DPP6: variants seen among roughly 807,000 people sequenced by gnomAD.
DPP6 encodes dipeptidyl peptidase like 6.
Under a neutral mutation model 122.6 loss-of-function variants are expected in DPP6, and 69 were observed. That is an observed-to-expected ratio of 0.56 (90% CI 0.46 to 0.69). DPP6 has a LOEUF of 0.69. DPP6 is among the 30% of genes least tolerant of loss of function. The pLI, the probability that DPP6 is intolerant of heterozygous loss-of-function variation, is 0.00. For synonymous variants in DPP6, 418 were observed against 433.1 expected (o/e 0.97, Z 0.43); for missense variants, 928 against 1,116.9 (o/e 0.83, Z 2.41).
At chr7:154,580,806 G>A (rs757857289) in intron 5 of DPP6, among the ~76,000 whole-genome samples, 6 of 152,190 alleles carry the variant, frequency 3.9e-5, no homozygotes, top group African/African-American at 1.2e-4. Context: ...AACAGAGGCC[G>A]CCATGGGAAA....
At chr7:154,494,538 T>C (rs951687132) in intron 3 of DPP6, among the ~76,000 whole-genome samples, 1 of 151,886 alleles carries the variant, frequency 6.6e-6, no homozygotes, top group African/African-American at 2.4e-5. Context: ...AGGATGAATA[T>C]GTTCTTATAA....
At chr7:153,924,114 G>A (rs1179709402) in intron 1 of DPP6, among the ~76,000 whole-genome samples, 1 of 150,728 alleles carries the variant, frequency 6.6e-6, no homozygotes, top group African/African-American at 2.4e-5. Context: ...GTGTATTATT[G>A]AGGATTTTTT....
rs557371898 is a variant in DPP6, at chr7:154,702,313, T to A, written c.763-25454T>A. On this transcript the variant is annotated intron_variant, in intron 7 of 25. Coordinates refer to ENST00000377770, the MANE Select transcript of DPP6 (RefSeq NM_130797.4). Reference sequence around the variant, plus strand: ...TGTAAGTGTTCATAAATGGAAGAATTGCAGGTCTCTCACTTTAAATCAAAA... The same window carrying A: ...TGTAAGTGTTCATAAATGGAAGAATAGCAGGTCTCTCACTTTAAATCAAAA... Among the ~76,000 whole-genome samples the A allele has an allele frequency of 4.6e-5, 7 of 152,350 alleles. No homozygotes were observed. The East Asian group carries it at 1.2e-3, about 25-fold the overall frequency.
chr7:154,414,367 T>A (rs960799259), intron 1 of DPP6, among the ~76,000 whole-genome samples: 4 of 152,190 alleles, frequency 2.6e-5, no homozygotes, highest in African/African-American at 9.7e-5. Context: ...ATAGTGTGAA[T>A]CAATCAATCA....
chr7:154,075,099 A>G (rs991192772), intron 1 of DPP6, among the ~76,000 whole-genome samples: 37 of 152,312 alleles, frequency 2.4e-4, no homozygotes, highest in African/African-American at 8.4e-4. Flanking sequence ...TAAAACCACA[A>G]TGCAATACCA....
intron 1 of DPP6, among the ~76,000 whole-genome samples, chr7:153,928,396 A>AT (rs71182854): frequency 0.014 from 598 of 43,672 alleles, 86 homozygotes; most frequent in Non-Finnish European, 0.02. Flanking sequence ...CTTTTCTTTC[A>AT]TTTTTTTTTT....
intron 1 of DPP6, among the ~76,000 whole-genome samples, chr7:154,062,336 C>A (rs1468875713): frequency 2.3e-4 from 12 of 53,280 alleles, no homozygotes; most frequent in South Asian, 8.8e-4. Context: ...GGGGAGGCAC[C>A]CCCCGCGAGG....
intron 7 of DPP6, among the ~76,000 whole-genome samples, chr7:154,712,404 A>T (rs545255379): frequency 3.3e-5 from 5 of 152,382 alleles, no homozygotes; most frequent in African/African-American, 9.6e-5. Flanking sequence ...TTCTTTAGTT[A>T]GAAAATTCAC....
intron 1 of DPP6, among the ~76,000 whole-genome samples, chr7:154,116,968 A>G (rs1451502313): frequency 6.6e-6 from 1 of 152,114 alleles, no homozygotes; most frequent in Non-Finnish European, 1.5e-5. Flanking sequence ...GGACTCCCCA[A>G]GATCCTCCAG....
At chr7:154,304,112 A>G (rs1389628025) in intron 1 of DPP6, among the ~76,000 whole-genome samples, 1 of 152,220 alleles carries the variant, frequency 6.6e-6, no homozygotes, top group Non-Finnish European at 1.5e-5. Context: ...CCCCGTATAT[A>G]TAAATGGCTG....
At chr7:154,188,719 C>T (rs1798471745) in intron 1 of DPP6, among the ~76,000 whole-genome samples, 1 of 152,222 alleles carries the variant, frequency 6.6e-6, no homozygotes, top group Non-Finnish European at 1.5e-5. Flanking sequence ...CCTGTACACA[C>T]ACAGACTCTG....
chr7:154,421,726 A>G lies in DPP6; in HGVS notation c.244-24488A>G, dbSNP rs1037834250. Among the ~76,000 whole-genome samples the G allele has an allele frequency of 5.3e-5, 8 of 152,252 alleles. No individual in the cohort carries two copies. In the East Asian group the frequency reaches 1.5e-3, roughly 29 times the overall value. On this transcript the variant is annotated intron_variant, in intron 1 of 25. Transcript: ENST00000377770. Reference sequence around the variant, plus strand: ...TGATGTGTATGAGTTGTAAAGTAACATAATAGATCCAAATGACACCAAAAG... The same window carrying G: ...TGATGTGTATGAGTTGTAAAGTAACGTAATAGATCCAAATGACACCAAAAG...
At chr7:154,211,517 T>G (rs1799740663) in intron 1 of DPP6, among the ~76,000 whole-genome samples, 1 of 152,080 alleles carries the variant, frequency 6.6e-6, no homozygotes, top group African/African-American at 2.4e-5. Flanking sequence ...AGCCAAAGAG[T>G]GAACATCCTG....
intron 1 of DPP6, among the ~76,000 whole-genome samples, chr7:154,031,930 C>T (rs1316021516): frequency 3.4e-5 from 5 of 149,190 alleles, no homozygotes; most frequent in Admixed American, 2.0e-4. Flanking sequence ...GGCACAATCT[C>T]GGCTCACTGC....
chr7:154,479,557 C>CA (rs35103324), intron 3 of DPP6, among the ~76,000 whole-genome samples: 14,963 of 91,072 alleles, frequency 0.16, 1,471 homozygotes, highest in Middle Eastern at 0.25. Context: ...GACTCCATCT[C>CA]AAAAAAAAAA....
At chr7:154,062,503 G>A (rs374848365) in intron 1 of DPP6, among the ~76,000 whole-genome samples, 2 of 17,278 alleles carry the variant, frequency 1.2e-4, no homozygotes, top group Non-Finnish European at 2.0e-4. Context: ...GGCACCCCCC[G>A]CGAGGGTGGG....
At chr7:154,620,089 C>T (rs926113294) in intron 5 of DPP6, among the ~76,000 whole-genome samples, 10 of 152,170 alleles carry the variant, frequency 6.6e-5, no homozygotes, top group African/African-American at 2.4e-4. Context: ...GGTCTGAGGA[C>T]CACGCCTTGA....
intron 1 of DPP6, among the ~76,000 whole-genome samples, chr7:154,327,613 G>T (rs1024054726): frequency 2.0e-5 from 3 of 152,102 alleles, no homozygotes; most frequent in Non-Finnish European, 4.4e-5. Flanking sequence ...TGCTTAGGCC[G>T]TTGTGAAATT....
intron 8 of DPP6, among the ~76,000 whole-genome samples, chr7:154,743,881 A>T (rs1285112654): frequency 6.6e-6 from 1 of 152,226 alleles, no homozygotes; most frequent in Non-Finnish European, 1.5e-5. Context: ...CAGGGATTTC[A>T]CATCCCTCAA....
Sources: allele counts gnomAD v4.1 joint callset (sites outside exome capture counted in the v4.1 genomes callset), GRCh38; gene constraint gnomAD v4.1.1; transcripts MANE v1.5; gene names NCBI Gene and HGNC (gene_info 2026-07-23, HGNC 2026-07-21).